Variants in TRAPPC9 observed in about 807,000 individuals in gnomAD.
TRAPPC9 encodes trafficking protein particle complex subunit 9.
Under a neutral mutation model 124.0 loss-of-function variants are expected in TRAPPC9, and 83 were observed. The ratio of observed to expected loss-of-function variants is 0.67; its 90% CI spans 0.56 to 0.80. The LOEUF is 0.80. Among genes scored for constraint, TRAPPC9 ranks in the 30% least tolerant of loss-of-function variants. The pLI is 0.00. For synonymous variants in TRAPPC9, 638 were observed against 617.5 expected, an observed-to-expected ratio of 1.03 and a Z score of -0.49; for missense variants, 1,302 against 1,508.3, an observed-to-expected ratio of 0.86 and a Z score of 2.27.
chr8:140,436,087 A>G (rs2070802906), intron 3 of TRAPPC9, among the ~76,000 whole-genome samples: 1 of 152,218 alleles, frequency 6.6e-6, no homozygotes, highest in African/African-American at 2.4e-5. Context: ...GGCTCATGCC[A>G]GTAATCCCAG....
At chr8:139,786,336 C>A (rs1822248730) in intron 21 of TRAPPC9, among the ~76,000 whole-genome samples, 1 of 152,124 alleles carries the variant, frequency 6.6e-6, no homozygotes, top group South Asian at 2.1e-4. Flanking sequence ...TAGGGAGATG[C>A]AAATCAAAAC....
chr8:140,215,209 TC>T (rs372921173), intron 17 of TRAPPC9, among the ~76,000 whole-genome samples: 8 of 152,012 alleles, frequency 5.3e-5, no homozygotes, highest in African/African-American at 1.9e-4. Context: ...ACCCAACTGC[TC>T]CCTCTTACCC....
intron 21 of TRAPPC9, among the ~76,000 whole-genome samples, chr8:139,808,225 G>A (rs1387775017): frequency 6.6e-6 from 1 of 152,220 alleles, no homozygotes. Flanking sequence ...TTGGGAGGCC[G>A]AGGCAGGAGG....
intron 2 of TRAPPC9, among the ~76,000 whole-genome samples, chr8:140,442,062 A>T (rs1448004855): frequency 6.6e-6 from 1 of 152,234 alleles, no homozygotes; most frequent in Non-Finnish European, 1.5e-5. Context: ...AAATTATTAC[A>T]TCTTCACATG....
At chr8:140,385,525 A>C (rs566348458) in intron 7 of TRAPPC9, among the ~76,000 whole-genome samples, 1 of 152,224 alleles carries the variant, frequency 6.6e-6, no homozygotes. Flanking sequence ...ACCATCAGAG[A>C]ATACTATAAA....
intron 9 of TRAPPC9, among the ~76,000 whole-genome samples, chr8:140,333,207 A>G (rs985290494): frequency 2.6e-5 from 4 of 152,200 alleles, no homozygotes; most frequent in Non-Finnish European, 5.9e-5. Flanking sequence ...AAACAATACA[A>G]AAGAAATACA....
intron 9 of TRAPPC9, among the ~76,000 whole-genome samples, chr8:140,316,159 C>T (rs1348909204): frequency 1.3e-5 from 2 of 152,058 alleles, no homozygotes; most frequent in African/African-American, 4.8e-5. Context: ...AGAAGAAAAA[C>T]TTTCAGGACT....
intron 17 of TRAPPC9, among the ~76,000 whole-genome samples, chr8:140,024,966 G>A (rs1840049179): frequency 6.6e-6 from 1 of 152,214 alleles, no homozygotes; most frequent in Non-Finnish European, 1.5e-5. Flanking sequence ...AGGCATTCCA[G>A]GAGAGGCAGG....
intron 21 of TRAPPC9, among the ~76,000 whole-genome samples, chr8:139,790,450 G>A (rs983926011): frequency 6.6e-6 from 1 of 152,202 alleles, no homozygotes; most frequent in Non-Finnish European, 1.5e-5. Flanking sequence ...GACCACAGCC[G>A]GTGCTCACAG....
chr8:139,851,804 G>C (rs183083243), intron 21 of TRAPPC9, among the ~76,000 whole-genome samples: 19 of 152,324 alleles, frequency 1.2e-4, no homozygotes, highest in Non-Finnish European at 2.2e-4. Context: ...ACCAGCAGGA[G>C]ATCTCCAAAG....
chr8:140,023,600 T>C (rs1839944168), intron 18 of TRAPPC9, among the ~76,000 whole-genome samples: 2 of 152,150 alleles, frequency 1.3e-5, no homozygotes, highest in African/African-American at 4.8e-5. Flanking sequence ...GAGCCCCTGC[T>C]AACAGGAGAG....
intron 19 of TRAPPC9, among the ~76,000 whole-genome samples, chr8:139,925,147 C>A (rs1412369207): frequency 1.3e-5 from 2 of 152,248 alleles, no homozygotes; most frequent in Non-Finnish European, 2.9e-5. Flanking sequence ...GGAGTCGACA[C>A]ATGGAATGAG....
At chr8:140,307,867 T>C (rs1014261142) in intron 10 of TRAPPC9, among the ~76,000 whole-genome samples, 1 of 152,200 alleles carries the variant, frequency 6.6e-6, no homozygotes, top group African/African-American at 2.4e-5. Flanking sequence ...CTGGTAATCT[T>C]GAGGTAAAGA....
At chr8:140,333,027 G>C (rs893553342) in intron 9 of TRAPPC9, among the ~76,000 whole-genome samples, 1 of 151,852 alleles carries the variant, frequency 6.6e-6, no homozygotes, top group African/African-American at 2.4e-5. Flanking sequence ...TCCAGAGACT[G>C]AGGCAAGAGA....
chr8:140,024,184 C>A (rs1373512191), intron 17 of TRAPPC9, 105 bp from the exon 18 acceptor site: 1 of 1,385,256 alleles, frequency 7.2e-7, no homozygotes, highest in Admixed American at 1.7e-5. Flanking sequence ...TGAAGATAAT[C>A]CCAACTAGTC....
intron 17 of TRAPPC9, among the ~76,000 whole-genome samples, chr8:140,187,743 C>T (rs1356660232): frequency 6.6e-6 from 1 of 152,124 alleles, no homozygotes; most frequent in Non-Finnish European, 1.5e-5. Context: ...GGCTCGATCA[C>T]AGCTCACTGC....
At chr8:140,283,325 C>T (rs1325668822) in intron 14 of TRAPPC9, among the ~76,000 whole-genome samples, 7 of 119,716 alleles carry the variant, frequency 5.8e-5, no homozygotes, top group South Asian at 2.8e-4. Flanking sequence ...GACGGAGTCT[C>T]GCTCTGTCGC....
chr8:139,989,448 T>C (rs1837484629), intron 18 of TRAPPC9, among the ~76,000 whole-genome samples: 1 of 152,218 alleles, frequency 6.6e-6, no homozygotes, highest in South Asian at 2.1e-4. Flanking sequence ...ACAAGTAAAA[T>C]GCTCAAGTTC....
At chr8:140,369,590 A>G (rs1193913731) in intron 8 of TRAPPC9, among the ~76,000 whole-genome samples, 2 of 152,194 alleles carry the variant, frequency 1.3e-5, no homozygotes, top group Non-Finnish European at 2.9e-5. Context: ...TTTTGGATTC[A>G]TCATAAAGCC....
Sources: allele counts gnomAD v4.1 joint callset (sites outside exome capture counted in the v4.1 genomes callset), GRCh38; gene constraint gnomAD v4.1.1; transcripts MANE v1.5; gene names NCBI Gene and HGNC (gene_info 2026-07-23, HGNC 2026-07-21).